PHAF1: variants seen among roughly 807,000 people sequenced by gnomAD.
PHAF1 encodes phagosome assembly factor 1.
In PHAF1, 23 loss-of-function variants were observed where a neutral mutation model predicts 63.1. That is an observed-to-expected ratio of 0.36 (90% confidence interval 0.26 to 0.52). PHAF1 has a LOEUF of 0.52. Ranked by LOEUF, PHAF1 falls within the 20% of genes least tolerant of loss-of-function variation. The pLI is 0.93. For synonymous variants in PHAF1, 167 were observed against 185.0 expected (o/e 0.90, Z 0.79); for missense variants, 427 against 517.2 (o/e 0.83, Z 1.69).
intron 1 of PHAF1, among the ~76,000 whole-genome samples, chr16:67,113,036 C>T (rs747632644): frequency 6.6e-6 from 1 of 152,206 alleles, no homozygotes; most frequent in African/African-American, 2.4e-5. Context: ...AAGAACTTAC[C>T]TCTTGCCACC....
intron 3 of PHAF1, 75 bp downstream of exon 3, chr16:67,126,117 G>T: frequency 8.6e-7 from 1 of 1,158,748 alleles, no homozygotes; most frequent in Admixed American, 1.7e-5. Flanking sequence ...ATGTGCTATT[G>T]TGAGATGTTT....
intron 3 of PHAF1, among the ~76,000 whole-genome samples, chr16:67,129,098 CAG>C (rs764734919): frequency 5.3e-5 from 8 of 152,192 alleles, no homozygotes; most frequent in Non-Finnish European, 1.0e-4. Flanking sequence ...GCTCTGGCCT[CAG>C]TGAAATGGCA....
intron 8 of PHAF1, among the ~76,000 whole-genome samples, chr16:67,136,979 C>T (rs1433826881): frequency 6.6e-6 from 1 of 152,056 alleles, no homozygotes; most frequent in Non-Finnish European, 1.5e-5. Flanking sequence ...ACGGTGAAAC[C>T]CCATCTCTAC....
chr16:67,137,819 C>G (rs1032692636), intron 8 of PHAF1, among the ~76,000 whole-genome samples: 3 of 152,142 alleles, frequency 2.0e-5, no homozygotes, highest in African/African-American at 7.2e-5. Flanking sequence ...AGCACATTCC[C>G]AGCAGTCACA....
At chr16:67,139,764 T>C in intron 8 of PHAF1, 1 of 552,632 alleles carries the variant, frequency 1.8e-6, no homozygotes, top group Admixed American at 3.4e-5. Flanking sequence ...CAGAGCTTCA[T>C]GTCACATGTG....
At position 67,147,194 on chromosome 16, in the gene PHAF1, C is replaced by A. The variant is rs2030173225; in HGVS notation, c.*63C>A. On this transcript the variant is annotated 3_prime_UTR_variant, in exon 16 of 16. Transcript: ENST00000219139. ...GTGCATCACATCCTGCTCAGTGGGC[C>A]TCTGTACCACCCTGTGGGTTTTCTT... 6.8e-7 allele frequency: 1 copy of A among 1,468,698 alleles called. No homozygotes were observed. The highest frequency in any genetic ancestry group is 1.7e-5 in the Admixed American group (1 of 59,314). 91.0% of individuals were successfully genotyped at this position (1,468,698 alleles called of 1,614,324 possible). A position where few individuals can be genotyped will look rare whatever the true frequency, so the allele number is the denominator to read the frequency against.
chr16:67,144,326 G>A lies in PHAF1; in HGVS notation c.912G>A (p.Val304=). 6.2e-7 allele frequency: 1 copy of A among 1,612,552 alleles called. No individual in the cohort carries two copies. ...TCTTTGATGCGAATACACACAAAGT[G>A]AAGAAGTTTGTTCTACACACCAATT... ...DILFDANTHK[V]KKFVLHTNYP... The change falls in exon 11 of 16, where the codon GTG becomes GTA. Residue 304 remains valine, a synonymous_variant. Transcript: ENST00000219139.
chr16:67,110,363 G>A (rs1962461677), intron 1 of PHAF1, 124 bp downstream of exon 1: 12 of 1,053,806 alleles, frequency 1.1e-5, no homozygotes, highest in Middle Eastern at 2.4e-4. Context: ...TCGTCCTCTC[G>A]GCTCGCTGGG....
intron 2 of PHAF1, among the ~76,000 whole-genome samples, chr16:67,125,065 A>G: frequency 6.6e-6 from 1 of 152,202 alleles, no homozygotes; most frequent in Admixed American, 6.5e-5. Flanking sequence ...GACCAGAAGC[A>G]TGCAGATGGG....
In PHAF1 at chr16:67,144,710, C is replaced by T. The variant is rs1963928753; in HGVS notation, c.963-124C>T. 2.7e-6 allele frequency: 3 copies of T among 1,102,240 alleles called. 1 individual carries two copies. Among genetic ancestry groups the T allele is most frequent in the African/African-American group, 3.1e-5 (2 of 64,244 alleles). The allele number at this position is 1,102,240 out of a possible 1,614,324, so 68.3% of individuals were successfully genotyped here. A position where few individuals can be genotyped will look rare whatever the true frequency, so the allele number is the denominator to read the frequency against. On this transcript the variant is annotated intron_variant, in intron 11 of 15. Transcript: ENST00000219139. Reference sequence around the variant, plus strand: ...GCCTCCCCCAGTGAACACTGTCAGGCACTCAGAGCCAGGGCTTTGGGCAGG... The same window carrying T: ...GCCTCCCCCAGTGAACACTGTCAGGTACTCAGAGCCAGGGCTTTGGGCAGG...
intron 2 of PHAF1, among the ~76,000 whole-genome samples, chr16:67,123,599 G>T (rs959654988): frequency 2.2e-4 from 33 of 152,074 alleles, no homozygotes; most frequent in African/African-American, 7.5e-4. Context: ...TAGAGACAGG[G>T]TCTCATTATA....
intron 2 of PHAF1, among the ~76,000 whole-genome samples, chr16:67,121,194 CTTT>C (rs558148750): frequency 1.4e-5 from 2 of 142,718 alleles, no homozygotes. Flanking sequence ...GCAGGGGTTT[CTTT>C]TTTTTTTTTT....
chr16:67,121,084 G>A (rs1376168581), intron 2 of PHAF1, among the ~76,000 whole-genome samples: 1 of 152,162 alleles, frequency 6.6e-6, no homozygotes. Context: ...TAATCTCCAA[G>A]CAAGTGCTTG....
intron 1 of PHAF1, among the ~76,000 whole-genome samples, chr16:67,116,417 C>T (rs1271952205): frequency 6.6e-6 from 1 of 152,130 alleles, no homozygotes; most frequent in Non-Finnish European, 1.5e-5. Flanking sequence ...TTTTGCATAT[C>T]GCATCTCTTT....
intron 4 of PHAF1, 108 bp from the exon 5 acceptor site, chr16:67,132,338 G>C: frequency 3.1e-6 from 3 of 960,218 alleles, no homozygotes; most frequent in Non-Finnish European, 4.7e-6. Flanking sequence ...GATATAATTA[G>C]AGACTCACCT....
Position 67,145,588 on chromosome 16 carries a change from C to T in PHAF1, c.1069C>T (p.Leu357Phe), listed in dbSNP as rs553329181. Residue 357 changes from leucine to phenylalanine, a missense_variant, in exon 14 of 16, where the codon CTC (leucine) becomes TTC (phenylalanine). Transcript: ENST00000219139. ...TYSKWDNIQE[L>F]LGHPVEKPVV... is the part of the protein sequence containing the mutation. ...CTTGCAGTGGGACAACATCCAGGAG[C>T]TCCTGGGCCACCCTGTGGAGAAGCC... 33 of 1,614,086 alleles carry T rather than the reference C, an allele frequency of 2.0e-5. No homozygotes were observed. The South Asian group carries it at 3.3e-4, about 16-fold the overall frequency.
In PHAF1 at chr16:67,134,269, A is replaced by T; in HGVS notation, c.548+4A>T. ...GCAACAGCCTGCAGGATACCAAGTAAGTATAAGGAGCATGAGTTTCTTGCT... is the reference window on the plus strand; with the variant it reads ...GCAACAGCCTGCAGGATACCAAGTATGTATAAGGAGCATGAGTTTCTTGCT... On this transcript the variant is annotated splice_donor_region_variant and intron_variant, in intron 7 of 15. Coordinates refer to ENST00000219139, the MANE Select transcript of PHAF1 (RefSeq NM_025187.5). 6.2e-7 allele frequency: 1 copy of T among 1,611,758 alleles called. No individual in the cohort carries two copies. The highest frequency in any genetic ancestry group is 8.5e-7 in the Non-Finnish European group (1 of 1,177,848).
chr16:67,128,054 C>T (rs1283184819), intron 3 of PHAF1, among the ~76,000 whole-genome samples: 1 of 151,784 alleles, frequency 6.6e-6, no homozygotes, highest in African/African-American at 2.4e-5. Flanking sequence ...ATGCTAGGCA[C>T]ATGGCTGGGT....
At position 67,139,997 on chromosome 16, in the gene PHAF1, CCTATTAGCAGA is replaced by C; in HGVS notation, c.676_686del (p.Leu226CysfsTer7). ...TGTTTTTTGCAGGTTGTGGACCTGG[CCTATTAGCAGA>C]TGCCAAGATGCGGGTATTTGAACGT... On this transcript the variant is annotated frameshift_variant, in exon 9 of 16. Coordinates refer to ENST00000219139, the MANE Select transcript of PHAF1 (RefSeq NM_025187.5). LOFTEE classifies it high-confidence loss of function. 6.2e-7 allele frequency: 1 copy of C among 1,614,004 alleles called. No individual in the cohort carries two copies. Among genetic ancestry groups the C allele is most frequent in the Non-Finnish European group, 8.5e-7 (1 of 1,179,994 alleles).
Sources: allele counts gnomAD v4.1 joint callset (sites outside exome capture counted in the v4.1 genomes callset), GRCh38; gene constraint gnomAD v4.1.1; transcripts MANE v1.5; gene names NCBI Gene and HGNC (gene_info 2026-07-23, HGNC 2026-07-21).